Variants in MCPH1 observed in about 807,000 individuals in gnomAD.
MCPH1 encodes microcephalin.
MCPH1 carries 104 observed loss-of-function variants against 84.5 expected under a neutral mutation model. The observed-to-expected ratio is 1.23, with a 90% CI of 1.05 to 1.45. MCPH1 has a LOEUF of 1.45. Ranked by LOEUF, MCPH1 falls within the 40% of genes most tolerant of loss-of-function variation. The probability of loss-of-function intolerance (pLI) is 0.00; values close to 1 mark genes in which losing one functional copy is unlikely to be tolerated. For synonymous variants in MCPH1, 514 were observed against 366.8 expected (o/e 1.40, Z -4.58); for missense variants, 1,498 against 1,005.7 (o/e 1.49, Z -6.62).
chr8:6,475,181 T>G (rs1808288013), intron 9 of MCPH1, among the ~76,000 whole-genome samples: 1 of 152,236 alleles, frequency 6.6e-6, no homozygotes, highest in African/African-American at 2.4e-5. Flanking sequence ...CAATAGCTGC[T>G]TTGAAAGTTC....
chr8:6,460,134 T>C (rs1223503262), intron 9 of MCPH1, among the ~76,000 whole-genome samples: 1 of 152,102 alleles, frequency 6.6e-6, no homozygotes, highest in African/African-American at 2.4e-5. Context: ...TGATTTCTTT[T>C]GCCTGTTTTC....
intron 12 of MCPH1, among the ~76,000 whole-genome samples, chr8:6,608,966 A>G (rs575215813): frequency 6.6e-6 from 1 of 152,302 alleles, no homozygotes; most frequent in African/African-American, 2.4e-5. Context: ...AGCTAGGATG[A>G]GCTTCTCCTC....
At chr8:6,603,832 A>T (rs557168926) in intron 12 of MCPH1, among the ~76,000 whole-genome samples, 2 of 152,322 alleles carry the variant, frequency 1.3e-5, no homozygotes, top group East Asian at 3.9e-4. Flanking sequence ...CTACAATTCC[A>T]TCTTACATTA....
chr8:6,617,393 C>T (rs999107450), intron 12 of MCPH1, among the ~76,000 whole-genome samples: 2 of 150,926 alleles, frequency 1.3e-5, no homozygotes, highest in Non-Finnish European at 2.9e-5. Flanking sequence ...CATTCTTCTG[C>T]CTCAGCTTCC....
At chr8:6,597,682 C>G (rs969038533) in intron 12 of MCPH1, among the ~76,000 whole-genome samples, 1 of 152,164 alleles carries the variant, frequency 6.6e-6, no homozygotes, top group Non-Finnish European at 1.5e-5. Context: ...GAGTTTCCCT[C>G]TCTTTGCTAA....
chr8:6,449,047 A>G (rs1298980643), intron 8 of MCPH1, among the ~76,000 whole-genome samples: 2 of 152,228 alleles, frequency 1.3e-5, no homozygotes, highest in African/African-American at 4.8e-5. Context: ...GAGTGTTCCC[A>G]TCACCAACAT....
At chr8:6,458,234 A>T (rs1278386007) in intron 9 of MCPH1, among the ~76,000 whole-genome samples, 4 of 152,046 alleles carry the variant, frequency 2.6e-5, no homozygotes, top group Admixed American at 2.0e-4. Context: ...GCGCTTTGGG[A>T]GGCTGAGGTG....
chr8:6,648,335 C>G lies in MCPH1; in HGVS notation c.*5286C>G, dbSNP rs912417379. The G allele has an allele frequency of 6.6e-6, 1 of 152,278 alleles. No homozygotes were observed. Among genetic ancestry groups the G allele is most frequent in the African/African-American group, 2.4e-5 (1 of 41,466 alleles). 9.4% of individuals were successfully genotyped at this position (152,278 alleles called of 1,614,324 possible). The stretch of plus-strand genomic sequence containing the variant: ...TTTCCCAGGAGTCACGCTTAGTCAT[C>G]TCTTGCTCTTTGAACTCCATGTCTG... On this transcript the variant is annotated 3_prime_UTR_variant, in exon 14 of 14. Coordinates refer to ENST00000344683, the MANE Select transcript of MCPH1 (RefSeq NM_024596.5).
intron 12 of MCPH1, among the ~76,000 whole-genome samples, chr8:6,604,185 TC>T: frequency 1.3e-5 from 2 of 151,758 alleles, no homozygotes; most frequent in Non-Finnish European, 2.9e-5. Flanking sequence ...CAAGTGGCCT[TC>T]CAGGTTTGCA....
In MCPH1 at chr8:6,444,489, A is replaced by T. The variant is rs757700603; in HGVS notation, c.767A>T (p.Asn256Ile). ...GAAAGGAAGTTGGAAGGATCCATTA[A>T]TGACATTAAAAGTGATGTGTGTATT... ...NQERKLEGSI[N>I]DIKSDVCISS... The change falls in exon 8 of 14, where the codon AAT (asparagine) becomes ATT (isoleucine). Residue 256 changes from asparagine (N) to isoleucine (I), a missense_variant. Asn to Ile is a moderately radical substitution (Grantham distance 149). Transcript: ENST00000344683. 1.2e-6 allele frequency: 2 copies of T among 1,614,206 alleles called. No individual in the cohort carries two copies. Among genetic ancestry groups the T allele is most frequent in the Non-Finnish European group, 1.7e-6 (2 of 1,180,030 alleles).
At chr8:6,492,009 A>G (rs1296797586) in intron 11 of MCPH1, among the ~76,000 whole-genome samples, 2 of 152,182 alleles carry the variant, frequency 1.3e-5, no homozygotes, top group African/African-American at 2.4e-5. Flanking sequence ...GGATGGCTGG[A>G]TCAAATGGTA....
intron 12 of MCPH1, among the ~76,000 whole-genome samples, chr8:6,556,293 C>T (rs531578723): frequency 6.6e-6 from 1 of 151,960 alleles, no homozygotes; most frequent in African/African-American, 2.4e-5. Flanking sequence ...ATAATTATAC[C>T]TGATATTTAC....
rs1798202251 is a variant in MCPH1 at position 6,646,046 on chromosome 8, T to C, written c.*2997T>C. On this transcript the variant is annotated 3_prime_UTR_variant, in exon 14 of 14. Transcript: ENST00000344683. ...ATCTTTTATGAAAATGCAAAGAACC[T>C]CTAGTAGACAAAACAATTTTTTTAA... The C allele has an allele frequency of 6.6e-6, 1 of 152,210 alleles. No individual in the cohort carries two copies. The highest frequency in any genetic ancestry group is 6.5e-5 in the Admixed American group (1 of 15,276). The allele number at this position is 152,210 out of a possible 1,614,324, so 9.4% of individuals were successfully genotyped here.
At chr8:6,602,338 G>A (rs1245693648) in intron 12 of MCPH1, among the ~76,000 whole-genome samples, 1 of 152,194 alleles carries the variant, frequency 6.6e-6, no homozygotes, top group African/African-American at 2.4e-5. Flanking sequence ...CTATGGCAAT[G>A]ACATGGAGGG....
chr8:6,511,142 A>G (rs1814999674), intron 12 of MCPH1, among the ~76,000 whole-genome samples: 1 of 152,170 alleles, frequency 6.6e-6, no homozygotes, highest in Non-Finnish European at 1.5e-5. Context: ...AAAATAAGGG[A>G]GAATACTATT....
At chr8:6,438,399 G>A (rs931131652) in intron 5 of MCPH1, among the ~76,000 whole-genome samples, 3 of 151,972 alleles carry the variant, frequency 2.0e-5, no homozygotes, top group Non-Finnish European at 2.9e-5. Flanking sequence ...AAGTTCTGAA[G>A]GGCTCTTTGA....
intron 12 of MCPH1, among the ~76,000 whole-genome samples, chr8:6,535,545 C>T (rs930041268): frequency 6.6e-6 from 1 of 151,974 alleles, no homozygotes; most frequent in Non-Finnish European, 1.5e-5. Flanking sequence ...AAGCAGATTA[C>T]AAATACACAT....
chr8:6,590,377 G>T (rs1349746465), intron 12 of MCPH1, among the ~76,000 whole-genome samples: 1 of 152,178 alleles, frequency 6.6e-6, no homozygotes, highest in African/African-American at 2.4e-5. Context: ...ATGTTTTCTG[G>T]AATGTCTCAT....
At chr8:6,617,425 A>AATTATCTTTTAACATTTTT (rs1352295887) in intron 12 of MCPH1, among the ~76,000 whole-genome samples, 1 of 151,802 alleles carries the variant, frequency 6.6e-6, no homozygotes, top group Non-Finnish European at 1.5e-5. Flanking sequence ...ATTTTTAAAA[A>AATTATCTTTTAACATTTTT]ATTATCTTTT....
Sources: allele counts gnomAD v4.1 joint callset (sites outside exome capture counted in the v4.1 genomes callset), GRCh38; gene constraint gnomAD v4.1.1; transcripts MANE v1.5; gene names NCBI Gene and HGNC (gene_info 2026-07-23, HGNC 2026-07-21).